Variants in CPO observed in about 807,000 individuals in gnomAD.
CPO encodes the protein metallocarboxypeptidase C.
A neutral mutation model predicts 41.2 loss-of-function variants in CPO; 43 were observed. That is an observed-to-expected ratio of 1.04 (90% CI 0.82 to 1.35). The LOEUF (loss-of-function observed/expected upper bound fraction) is 1.35, where lower values mean the gene tolerates loss of function less well. CPO is among the 40% of genes most tolerant of loss of function. The pLI is 0.00. For missense variants in CPO, 408 were observed against 451.7 expected (o/e 0.90, Z 0.88); for synonymous variants, 178 against 162.7 (o/e 1.09, Z -0.72).
intron 8 of CPO, 109 bp downstream of exon 8, chr2:206,968,456 C>A: frequency 1.4e-6 from 1 of 700,160 alleles, no homozygotes; most frequent in East Asian, 2.7e-5. Flanking sequence ...CTGGGATCAA[C>A]AGGGAGTTGT....
chr2:206,956,506 G>A (rs927165319), intron 3 of CPO, among the ~76,000 whole-genome samples: 11 of 152,110 alleles, frequency 7.2e-5, no homozygotes, highest in Admixed American at 2.6e-4. Context: ...TCAGAAACTC[G>A]GAGGCTGGAG....
intron 1 of CPO, among the ~76,000 whole-genome samples, chr2:206,946,911 A>G (rs1693155375): frequency 6.6e-6 from 1 of 152,158 alleles, no homozygotes; most frequent in South Asian, 2.1e-4. Context: ...AAATTTATAC[A>G]AGATCTATAT....
At chr2:206,946,727 A>G (rs1693153405) in intron 1 of CPO, among the ~76,000 whole-genome samples, 1 of 152,212 alleles carries the variant, frequency 6.6e-6, no homozygotes, top group Non-Finnish European at 1.5e-5. Flanking sequence ...ATCAACCACA[A>G]GAAAGTCTCC....
Position 206,969,353 on chromosome 2 carries a change from C to A in CPO, c.1042C>A (p.His348Asn). 6.2e-7 allele frequency: 1 copy of A among 1,614,042 alleles called. No individual in the cohort carries two copies. The highest frequency in any genetic ancestry group is 1.1e-5 in the South Asian group (1 of 91,072). ...LSVLDDVYAK[H>N]WHSDSAGRVT... ...AGTCCTGGATGATGTGTATGCGAAA[C>A]ACTGGCACTCGGACAGTGCTGGAAG... The change falls in exon 9 of 9, where the codon CAC becomes AAC. Residue 348 changes from histidine (H) to asparagine (N), a missense_variant. Coordinates refer to ENST00000272852, the MANE Select transcript of CPO (RefSeq NM_173077.3).
chr2:206,940,505 T>C (rs1295844604), intron 1 of CPO, among the ~76,000 whole-genome samples: 1 of 151,912 alleles, frequency 6.6e-6, no homozygotes, highest in Non-Finnish European at 1.5e-5. Flanking sequence ...TAAGAGTAAA[T>C]ATTTTATTAC....
chr2:206,956,984 A>C (rs530646104), intron 3 of CPO, among the ~76,000 whole-genome samples: 1 of 152,370 alleles, frequency 6.6e-6, no homozygotes, highest in East Asian at 1.9e-4. Context: ...TGCCTAGGGC[A>C]TATTAAAAAG....
rs1392552453 is a variant in CPO, at chr2:206,949,601, T to C, written c.69-16T>C. 1.9e-6 allele frequency: 3 copies of C among 1,599,386 alleles called. No homozygotes were observed. The highest frequency in any genetic ancestry group is 2.2e-5 in the South Asian group (2 of 90,602). ...GTTTCACCACTGCTTTTCCTCTTACTTTCTTCCCTTTGCAGATCCTTAGCC... is the reference window on the plus strand; with the variant it reads ...GTTTCACCACTGCTTTTCCTCTTACCTTCTTCCCTTTGCAGATCCTTAGCC... On this transcript the variant is annotated splice_polypyrimidine_tract_variant and intron_variant, in intron 1 of 8. Transcript: ENST00000272852.
chr2:206,951,044 T>C (rs1574349426), intron 2 of CPO, among the ~76,000 whole-genome samples: 2 of 151,664 alleles, frequency 1.3e-5, no homozygotes, highest in Non-Finnish European at 2.9e-5. Context: ...CAAACCTGCA[T>C]GTTGTACACA....
chr2:206,968,380 C>G (rs1318184319), intron 8 of CPO, 33 bp downstream of exon 8: 1 of 1,264,786 alleles, frequency 7.9e-7, no homozygotes, highest in Admixed American at 1.7e-5. Flanking sequence ...TCAATAGTAT[C>G]TAAGGCACAA....
chr2:206,964,112 A>G (rs1219132701), intron 7 of CPO, among the ~76,000 whole-genome samples: 3 of 151,550 alleles, frequency 2.0e-5, no homozygotes, highest in Non-Finnish European at 4.4e-5. Context: ...CTGATGACCT[A>G]TTGGTTAGGT....
At chr2:206,964,807 G>A (rs755403578) in intron 7 of CPO, among the ~76,000 whole-genome samples, 13 of 152,176 alleles carry the variant, frequency 8.5e-5, no homozygotes, top group African/African-American at 1.7e-4. Context: ...ATGAATCTCC[G>A]AAGACAGGTA....
At chr2:206,969,083 A>G (rs1195367409) in intron 8 of CPO, 91 bp from the exon 9 acceptor site, 8 of 1,295,670 alleles carry the variant, frequency 6.2e-6, no homozygotes, top group African/African-American at 3.0e-5. Context: ...TCTTTATTTT[A>G]CTAAGTGAAC....
At chr2:206,969,136 T>C (rs1426600316) in intron 8 of CPO, 38 bp from the exon 9 acceptor site, 3 of 1,603,302 alleles carry the variant, frequency 1.9e-6, no homozygotes, top group Non-Finnish European at 2.6e-6. Flanking sequence ...TCTTCCAAAG[T>C]ATGACTTCTA....
chr2:206,950,097 T>C lies in CPO; in HGVS notation c.165+384T>C, dbSNP rs75804173. Among the ~76,000 whole-genome samples, 3 of 152,296 alleles carry C rather than the reference T, an allele frequency of 2.0e-5. No homozygotes were observed. In the East Asian group the frequency reaches 5.8e-4, roughly 29 times the overall value. On this transcript the variant is annotated intron_variant, in intron 2 of 8. Coordinates refer to ENST00000272852, the MANE Select transcript of CPO (RefSeq NM_173077.3). Reference sequence around the variant, plus strand: ...GTGGAGAAGCCTTCTGATTGAATCATATTTAGCTGAAAATGTATTTATTGT... The same window carrying C: ...GTGGAGAAGCCTTCTGATTGAATCACATTTAGCTGAAAATGTATTTATTGT...
At chr2:206,963,210 G>A (rs1032673859) in intron 7 of CPO, among the ~76,000 whole-genome samples, 8 of 152,194 alleles carry the variant, frequency 5.3e-5, no homozygotes, top group South Asian at 2.1e-4. Flanking sequence ...GCACTGTTGG[G>A]CAGAATTACT....
At chr2:206,956,740 C>T (rs1246466171) in intron 3 of CPO, among the ~76,000 whole-genome samples, 1 of 152,182 alleles carries the variant, frequency 6.6e-6, no homozygotes, top group Non-Finnish European at 1.5e-5. Context: ...ACCAGCATTA[C>T]TTAGTTTACT....
chr2:206,943,600 T>C (rs1693068492), intron 1 of CPO, among the ~76,000 whole-genome samples: 1 of 73,698 alleles, frequency 1.4e-5, no homozygotes. Context: ...TAACAAAGTC[T>C]TCAGGAAAAA....
Position 206,955,337 on chromosome 2 carries a change from A to T in CPO, c.166-126A>T, listed in dbSNP as rs528686446. 3.7e-5 allele frequency: 26 copies of T among 698,144 alleles called. No homozygotes were observed. In the African/African-American group the frequency reaches 4.0e-4, roughly 11 times the overall value. 43.2% of individuals were successfully genotyped at this position (698,144 alleles called of 1,614,324 possible). A position where few individuals can be genotyped will look rare whatever the true frequency, so the allele number is the denominator to read the frequency against. On this transcript the variant is annotated intron_variant, in intron 2 of 8. Transcript: ENST00000272852. ...GGTTGTTTTCTGTTTCTTTTACCACACAGCTGTTGCAATCTAGAGCAAAGA... is the reference window on the plus strand; with the variant it reads ...GGTTGTTTTCTGTTTCTTTTACCACTCAGCTGTTGCAATCTAGAGCAAAGA...
At chr2:206,962,364 C>A in intron 6 of CPO, 48 bp from the exon 7 acceptor site, 6 of 1,564,470 alleles carry the variant, frequency 3.8e-6, no homozygotes, top group Non-Finnish European at 4.4e-6. Flanking sequence ...TTGGTCATTT[C>A]CAAACTGAGA....
Sources: gnomAD v4.1 joint callset for allele counts (sites outside exome capture counted in the v4.1 genomes callset) on GRCh38, gnomAD v4.1.1 for gene constraint, MANE v1.5 for transcripts, NCBI Gene and HGNC (gene_info 2026-07-23, HGNC 2026-07-21) for gene names.